Variants in SPATA31D1 observed in about 807,000 individuals in gnomAD.
The protein encoded by SPATA31D1 is spermatogenesis-associated protein 31D1.
A neutral mutation model predicts 13.2 loss-of-function variants in SPATA31D1; 6 were observed. That is an observed-to-expected ratio of 0.46 (90% CI 0.25 to 0.90). SPATA31D1 has a LOEUF of 0.90. Ranked by LOEUF, SPATA31D1 falls within the 40% of genes least tolerant of loss-of-function variation. SPATA31D1 has a pLI of 0.18. For synonymous variants in SPATA31D1, 903 were observed against 718.8 expected (o/e 1.26, Z -4.10); for missense variants, 2,445 against 1,884.7 (o/e 1.30, Z -5.50).
chr9:81,993,659 C>A lies in SPATA31D1; in HGVS notation c.3189C>A (p.Thr1063=). The A allele has an allele frequency of 6.2e-7, 1 of 1,614,008 alleles. No individual in the cohort carries two copies. Among genetic ancestry groups the A allele is most frequent in the South Asian group, 1.1e-5 (1 of 91,074 alleles). The part of the protein sequence containing the change: ...TSPVNQEKQG[T]LRREFSDTDN... ...CTGTCAACCAAGAAAAGCAGGGGAC[C>A]CTGAGAAGAGAATTCTCTGATACTG... The change falls in exon 4 of 4, where the codon ACC becomes ACA. Residue 1063 remains threonine, a synonymous_variant. Transcript: ENST00000344803.
chr9:81,994,504 C>A lies in SPATA31D1; in HGVS notation c.4034C>A (p.Pro1345His). Residue 1345 changes from proline to histidine, a missense_variant, in exon 4 of 4, where the codon CCT becomes CAT. By Grantham distance (77) the Pro-to-His change is moderately conservative (BLOSUM62 -2). Transcript: ENST00000344803. ...TCCCCAACCTTGAAAACACAGCCTC[C>A]TCCTGAAAACCTTTTCAGAAAATGG... ...KSSPTLKTQP[P>H]PENLFRKWMK... 6.2e-7 allele frequency: 1 copy of A among 1,613,502 alleles called. No homozygotes were observed.
chr9:81,992,954 T>A lies in SPATA31D1; in HGVS notation c.2484T>A (p.Asn828Lys), dbSNP rs1825008185. 6.2e-7 allele frequency: 1 copy of A among 1,613,616 alleles called. No individual in the cohort carries two copies. The highest frequency in any genetic ancestry group is 8.5e-7 in the Non-Finnish European group (1 of 1,179,724). Residue 828 changes from asparagine (N) to lysine (K), a missense_variant, in exon 4 of 4, where the codon AAT becomes AAA. By Grantham distance (94) the Asn-to-Lys change is moderately conservative. Coordinates refer to ENST00000344803, the MANE Select transcript of SPATA31D1 (RefSeq NM_001001670.3). Reference protein sequence around the residue: ...GVRLGQKQLENALTVRLSKKF... With the variant: ...GVRLGQKQLEKALTVRLSKKF... ...GACTAGGTCAGAAACAACTTGAAAA[T>A]GCCCTGACAGTACGTTTGAGCAAGA...
rs1825028934 is a variant in SPATA31D1 at position 81,993,626 on chromosome 9, C to T, written c.3156C>T (p.Val1052=). ...SFPILGHSYL[V]TSPVNQEKQG... ...CCATCCTCGGTCATTCTTACCTTGT[C>T]ACTTCACCTGTCAACCAAGAAAAGC... Residue 1052 remains valine (V), a synonymous_variant, in exon 4 of 4, where the codon GTC becomes GTT. Transcript: ENST00000344803. The T allele has an allele frequency of 1.9e-6, 3 of 1,613,830 alleles. No homozygotes were observed. Among genetic ancestry groups the T allele is most frequent in the Non-Finnish European group, 8.5e-7 (1 of 1,179,864 alleles).
At chr9:81,987,799 A>C (rs868591866), upstream of SPATA31D1, among the ~76,000 whole-genome samples, 1 of 152,206 alleles carries the variant, frequency 6.6e-6, no homozygotes, top group South Asian at 2.1e-4. Flanking sequence ...AAAAACAACA[A>C]CAACAATAAC....
Position 81,992,389 on chromosome 9 carries a change from C to T in SPATA31D1, c.1919C>T (p.Pro640Leu), listed in dbSNP as rs1419778640. 6.2e-7 allele frequency: 1 copy of T among 1,613,730 alleles called. No homozygotes were observed. The highest frequency in any genetic ancestry group is 1.7e-5 in the Admixed American group (1 of 60,008). ...QKVQESLWGLPSVVQKSQEDF... is the reference protein window; with the variant it reads ...QKVQESLWGLLSVVQKSQEDF... ...GTGCAGGAAAGTTTGTGGGGCTTAC[C>T]CTCTGTGGTTCAAAAATCCCAGGAA... is the stretch of plus-strand genomic sequence containing the variant. Residue 640 changes from proline (P) to leucine (L), a missense_variant, in exon 4 of 4, where the codon CCC becomes CTC. Physicochemically the swap from Pro to Leu is moderately conservative, Grantham distance 98 (BLOSUM62 -3). Transcript: ENST00000344803.
upstream of SPATA31D1, chr9:81,988,696 G>T (rs536023427): frequency 8.1e-6 from 12 of 1,486,494 alleles, no homozygotes; most frequent in Middle Eastern, 2.5e-4. Flanking sequence ...TCCTCTTGTT[G>T]CTCCCTGCAC....
rs1158824162 is a variant in SPATA31D1, at chr9:81,989,662, A to C, written c.187-116A>C. 6 of 1,128,844 alleles carry C rather than the reference A, an allele frequency of 5.3e-6. No individual in the cohort carries two copies. In the East Asian group the frequency reaches 1.6e-4, roughly 30 times the overall value. The allele number at this position is 1,128,844 out of a possible 1,614,324, so 69.9% of individuals were successfully genotyped here. The stretch of plus-strand genomic sequence containing the variant: ...TGATAACAGGAACATATTTCTATTA[A>C]TTAAAGAGTAATATTCTTGTATAAT... On this transcript the variant is annotated intron_variant, in intron 1 of 3. Coordinates refer to ENST00000344803, the MANE Select transcript of SPATA31D1 (RefSeq NM_001001670.3).
chr9:81,988,947 C>T lies in SPATA31D1; in HGVS notation c.129C>T (p.Phe43=). 1.2e-6 allele frequency: 2 copies of T among 1,612,156 alleles called. No individual in the cohort carries two copies. Among genetic ancestry groups the T allele is most frequent in the Non-Finnish European group, 1.7e-6 (2 of 1,179,716 alleles). ...TGGGGTTGTTTATACTGTACTTGTTCTACGTGGTATTGACCCTGTATTCGT... is the reference window on the plus strand; with the variant it reads ...TGGGGTTGTTTATACTGTACTTGTTTTACGTGGTATTGACCCTGTATTCGT... ...SGLGLFILYL[F]YVVLTLYSSP... Residue 43 remains phenylalanine (F), a synonymous_variant, in exon 1 of 4, where the codon TTC becomes TTT. Transcript: ENST00000344803.
rs1824927480 is a variant in SPATA31D1, at chr9:81,990,423, C to T, written c.239C>T (p.Pro80Leu). 6.2e-7 allele frequency: 1 copy of T among 1,605,646 alleles called. No homozygotes were observed. The highest frequency in any genetic ancestry group is 8.5e-7 in the Non-Finnish European group (1 of 1,175,770). The change falls in exon 3 of 4, where the codon CCA becomes CTA. Residue 80 changes from proline (P) to leucine (L), a missense_variant. Physicochemically the swap from Pro to Leu is moderately conservative, Grantham distance 98. Transcript: ENST00000344803. Reference sequence around the variant, plus strand: ...CATATAACATACTATTCAGGTTTCCCAGACTGGAAAAGTTTCCAGAGAGAA... The same window carrying T: ...CATATAACATACTATTCAGGTTTCCTAGACTGGAAAAGTTTCCAGAGAGAA... ...RRKGGTFKGF[P>L]DWKSFQREEE...
In SPATA31D1 at chr9:81,991,115, A is replaced by T. The variant is rs757244629; in HGVS notation, c.645A>T (p.Ser215=). The T allele has an allele frequency of 1.9e-6, 3 of 1,613,176 alleles. No individual in the cohort carries two copies. Among genetic ancestry groups the T allele is most frequent in the Non-Finnish European group, 2.5e-6 (3 of 1,179,584 alleles). The change falls in exon 4 of 4, where the codon TCA becomes TCT. Residue 215 remains serine (S), a synonymous_variant. Coordinates refer to ENST00000344803, the MANE Select transcript of SPATA31D1 (RefSeq NM_001001670.3). ...ITTLADLFSP[S]PLRDPLPPQP... ...CCTTAGCTGACTTATTTTCACCCTC[A>T]CCACTGAGGGACCCTCTGCCACCAC...
At position 81,994,563 on chromosome 9, in the gene SPATA31D1, A is replaced by G. The variant is rs1825055687; in HGVS notation, c.4093A>G (p.Ser1365Gly). ...CTCTTTGCAGTGGTTTAATAAACCC[A>G]GCATATCATATGAAGAACAAGAAAG... Reference protein sequence around the residue: ...KTSLQWFNKPSISYEEQESSW... With the variant: ...KTSLQWFNKPGISYEEQESSW... The change falls in exon 4 of 4, where the codon AGC becomes GGC. Residue 1365 changes from serine to glycine, a missense_variant. Physicochemically the swap from Ser to Gly is moderately conservative, Grantham distance 56. Transcript: ENST00000344803. 9 of 1,613,070 alleles carry G rather than the reference A, an allele frequency of 5.6e-6. No homozygotes were observed. Among genetic ancestry groups the G allele is most frequent in the Non-Finnish European group, 7.6e-6 (9 of 1,179,494 alleles).
rs759822657 is a variant in SPATA31D1, at chr9:81,992,472, G to C, written c.2002G>C (p.Val668Leu). 6.2e-7 allele frequency: 1 copy of C among 1,612,028 alleles called. No individual in the cohort carries two copies. Among genetic ancestry groups the C allele is most frequent in the Non-Finnish European group, 8.5e-7 (1 of 1,179,740 alleles). Reference sequence around the variant, plus strand: ...GGTCAGAAAGTCCTTCAAGGTCCATGTTCCGATCTCCATCATTCCTGGAGA... The same window carrying C: ...GGTCAGAAAGTCCTTCAAGGTCCATCTTCCGATCTCCATCATTCCTGGAGA... ...ELVRKSFKVH[V>L]PISIIPGDFP... Residue 668 changes from valine (V) to leucine (L), a missense_variant, in exon 4 of 4, where the codon GTT becomes CTT. By Grantham distance (32) the Val-to-Leu change is conservative (BLOSUM62 1). Coordinates refer to ENST00000344803, the MANE Select transcript of SPATA31D1 (RefSeq NM_001001670.3).
chr9:81,991,853 G>A lies in SPATA31D1; in HGVS notation c.1383G>A (p.Lys461=), dbSNP rs1389609716. The A allele has an allele frequency of 6.2e-7, 1 of 1,613,678 alleles. No homozygotes were observed. Among genetic ancestry groups the A allele is most frequent in the Non-Finnish European group, 8.5e-7 (1 of 1,179,746 alleles). ...SRNMLTSIAV[K]HDLAESFPFW... ...ATATGTTAACCTCAATTGCTGTTAA[G>A]CATGACTTGGCAGAATCCTTTCCTT... Residue 461 remains lysine (K), a synonymous_variant, in exon 4 of 4, where the codon AAG becomes AAA. Coordinates refer to ENST00000344803, the MANE Select transcript of SPATA31D1 (RefSeq NM_001001670.3).
At position 81,991,836 on chromosome 9, in the gene SPATA31D1, A is replaced by C. The variant is rs371178759; in HGVS notation, c.1366A>C (p.Thr456Pro). The change falls in exon 4 of 4, where the codon ACC (threonine) becomes CCC (proline). Residue 456 changes from threonine (T) to proline (P), a missense_variant. Coordinates refer to ENST00000344803, the MANE Select transcript of SPATA31D1 (RefSeq NM_001001670.3). ...ACTAAATTCCTCACGGAATATGTTAACCTCAATTGCTGTTAAGCATGACTT... is the reference window on the plus strand; with the variant it reads ...ACTAAATTCCTCACGGAATATGTTACCCTCAATTGCTGTTAAGCATGACTT... ...YQLNSSRNML[T>P]SIAVKHDLAE... is the part of the protein sequence containing the mutation. 5 of 1,613,702 alleles carry C rather than the reference A, an allele frequency of 3.1e-6. No homozygotes were observed. The African/African-American group carries it at 6.7e-5, about 22-fold the overall frequency.
chr9:81,989,057 A>G (rs1310945803), intron 1 of SPATA31D1, 53 bp downstream of exon 1: 26 of 1,590,302 alleles, frequency 1.6e-5, no homozygotes, highest in Non-Finnish European at 7.7e-6. Flanking sequence ...TTGTTTCCCA[A>G]TCCTATTCCA....
chr9:81,994,551 T>C lies in SPATA31D1; in HGVS notation c.4081T>C (p.Phe1361Leu), dbSNP rs745978401. The C allele has an allele frequency of 4.3e-6, 7 of 1,613,308 alleles. No individual in the cohort carries two copies. Among genetic ancestry groups the C allele is most frequent in the Non-Finnish European group, 5.9e-6 (7 of 1,179,588 alleles). Residue 1361 changes from phenylalanine (F) to leucine (L), a missense_variant, in exon 4 of 4, where the codon TTT becomes CTT. Phe to Leu is a conservative substitution (Grantham distance 22, BLOSUM62 0). Transcript: ENST00000344803. ...RKWMKTSLQWFNKPSISYEEQ... is the reference protein window; with the variant it reads ...RKWMKTSLQWLNKPSISYEEQ... ...ATGGATGAAGACCTCTTTGCAGTGG[T>C]TTAATAAACCCAGCATATCATATGA...
At chr9:81,989,658 A>G (rs1441096768) in intron 1 of SPATA31D1, 120 bp from the exon 2 acceptor site, 7 of 1,076,578 alleles carry the variant, frequency 6.5e-6, no homozygotes, top group South Asian at 1.5e-5. Flanking sequence ...ACATATTTCT[A>G]TTAATTAAAG....
rs201463883 is a variant in SPATA31D1 at position 81,993,927 on chromosome 9, C to T, written c.3457C>T (p.Leu1153Phe). ...AAAGACCTTTCCTGTCACCAATGCT[C>T]TTCAATCACAAACTAGGAACAACTT... The part of the protein sequence containing the change: ...SRKTFPVTNA[L>F]QSQTRNNLTT... The change falls in exon 4 of 4, where the codon CTT becomes TTT. Residue 1153 changes from leucine (L) to phenylalanine (F), a missense_variant. Coordinates refer to ENST00000344803, the MANE Select transcript of SPATA31D1 (RefSeq NM_001001670.3). 2.5e-6 allele frequency: 4 copies of T among 1,613,708 alleles called. No homozygotes were observed. Among genetic ancestry groups the T allele is most frequent in the Middle Eastern group, 1.6e-4 (1 of 6,082 alleles).
upstream of SPATA31D1, among the ~76,000 whole-genome samples, chr9:81,987,987 G>A (rs1388162500): frequency 2.0e-5 from 3 of 152,158 alleles, no homozygotes; most frequent in Non-Finnish European, 4.4e-5. Context: ...ATGAGGCAGC[G>A]TTAAACAGAA....
Sources: gnomAD v4.1 joint callset for allele counts (sites outside exome capture counted in the v4.1 genomes callset) on GRCh38, gnomAD v4.1.1 for gene constraint, MANE v1.5 for transcripts, NCBI Gene and HGNC (gene_info 2026-07-23, HGNC 2026-07-21) for gene names.